GLB1L3: variants seen among roughly 807,000 people sequenced by gnomAD.
The protein encoded by GLB1L3 is beta-galactosidase-1-like protein 3.
GLB1L3 carries 89 observed loss-of-function variants against 89.5 expected under a neutral mutation model. That is an observed-to-expected ratio of 0.99 (90% CI 0.84 to 1.19). The LOEUF (loss-of-function observed/expected upper bound fraction) is 1.19, where lower values mean the gene tolerates loss of function less well. GLB1L3 is among the 50% of genes most tolerant of loss of function. The probability of loss-of-function intolerance (pLI) is 0.00; values close to 1 mark genes in which losing one functional copy is unlikely to be tolerated. For missense variants in GLB1L3, 812 were observed against 813.3 expected (o/e 1.00, Z 0.02); for synonymous variants, 314 against 312.3 (o/e 1.01, Z -0.06).
At chr11:134,323,126 G>GT (rs1250317185), downstream of GLB1L3, among the ~76,000 whole-genome samples, 1 of 152,148 alleles carries the variant, frequency 6.6e-6, no homozygotes, top group East Asian at 1.9e-4. Context: ...AGTATGAAAT[G>GT]TTATCTCACT....
At chr11:134,308,658 C>CCACCACCACCACCACCAA (rs1565414894) in intron 10 of GLB1L3, among the ~76,000 whole-genome samples, 1 of 133,032 alleles carries the variant, frequency 7.5e-6, no homozygotes, top group Non-Finnish European at 1.7e-5. Context: ...ACCATCATCA[C>CCACCACCACCACCACCAA]CACCACCACC....
intron 9 of GLB1L3, chr11:134,305,383 T>C: frequency 2.2e-6 from 1 of 454,134 alleles, no homozygotes; most frequent in African/African-American, 2.0e-5. Context: ...AAGAGCATTC[T>C]CTCTCTACGT....
intron 7 of GLB1L3, among the ~76,000 whole-genome samples, chr11:134,291,900 A>G (rs931546568): frequency 7.2e-5 from 11 of 152,194 alleles, no homozygotes; most frequent in Non-Finnish European, 1.5e-4. Context: ...GCTTGAATCC[A>G]GGAGTTTAAG....
At chr11:134,286,543 G>T (rs939746622) in intron 6 of GLB1L3, among the ~76,000 whole-genome samples, 4 of 151,836 alleles carry the variant, frequency 2.6e-5, no homozygotes, top group Non-Finnish European at 4.4e-5. Flanking sequence ...TTGGGAGGCT[G>T]AGGCGGGTGG....
chr11:134,309,610 A>G lies in GLB1L3; in HGVS notation c.962-16A>G, dbSNP rs1201707739. On this transcript the variant is annotated splice_polypyrimidine_tract_variant and intron_variant, in intron 10 of 19. Coordinates refer to ENST00000431683, the MANE Select transcript of GLB1L3 (RefSeq NM_001080407.3). ...AATTTCTAACATTCTCTGTGTTCTC[A>G]TGTTCCCCTTTGCAGAGGTTGAACA... 1.1e-5 allele frequency: 18 copies of G among 1,570,644 alleles called. No homozygotes were observed. The highest frequency in any genetic ancestry group is 1.6e-5 in the Non-Finnish European group (18 of 1,152,580).
At chr11:134,289,331 G>A (rs1941207228) in intron 7 of GLB1L3, among the ~76,000 whole-genome samples, 1 of 152,022 alleles carries the variant, frequency 6.6e-6, no homozygotes, top group Non-Finnish European at 1.5e-5. Flanking sequence ...GGAGGAGGAA[G>A]AGGTGGAGGA....
chr11:134,312,547 G>A lies in GLB1L3; in HGVS notation c.1428+58G>A, dbSNP rs552439114. 2.2e-4 allele frequency: 354 copies of A among 1,585,136 alleles called. 1 individual carries two copies. In the African/African-American group the frequency reaches 3.5e-3, roughly 16 times the overall value. Reference sequence around the variant, plus strand: ...AAGTGCATCACCTCCCCATGCTGTCGGGCAGGGTAGTTGACTGAAGGATGC... The same window carrying A: ...AAGTGCATCACCTCCCCATGCTGTCAGGCAGGGTAGTTGACTGAAGGATGC... On this transcript the variant is annotated intron_variant, in intron 14 of 19. Coordinates refer to ENST00000431683, the MANE Select transcript of GLB1L3 (RefSeq NM_001080407.3).
intron 3 of GLB1L3, among the ~76,000 whole-genome samples, chr11:134,279,917 C>A (rs1487556639): frequency 6.6e-6 from 1 of 151,980 alleles, no homozygotes; most frequent in Non-Finnish European, 1.5e-5. Flanking sequence ...ATAGTACCTT[C>A]TCTTCTCTGT....
downstream of GLB1L3, among the ~76,000 whole-genome samples, chr11:134,323,072 A>G (rs571070849): frequency 6.6e-6 from 1 of 152,214 alleles, no homozygotes; most frequent in South Asian, 2.1e-4. Context: ...ATCCTCACCA[A>G]CACTTGATTT....
rs200906355 is a variant in GLB1L3 at position 134,277,402 on chromosome 11, A to G, written c.100A>G (p.Lys34Glu). 6.2e-5 allele frequency: 100 copies of G among 1,613,912 alleles called. No individual in the cohort carries two copies. In the African/African-American group the frequency reaches 1.2e-3, roughly 19 times the overall value. Reference protein sequence around the residue: ...FISSGFAPRFKQEENFMLGRA... With the variant: ...FISSGFAPRFEQEENFMLGRA... ...CTCATCAGGTTTTGCTCCTCGGTTT[A>G]AGCAGGAAGAGAACTTCATGCTTGG... Residue 34 changes from lysine (K) to glutamate (E), a missense_variant, in exon 2 of 20, where the codon AAG becomes GAG. Physicochemically the swap from Lys to Glu is moderately conservative, Grantham distance 56. Transcript: ENST00000431683.
At chr11:134,288,983 A>C (rs569284204) in intron 7 of GLB1L3, 93 bp downstream of exon 7, 3 of 835,370 alleles carry the variant, frequency 3.6e-6, no homozygotes. Context: ...CGGGCTGGAC[A>C]CTGTGCATTC....
intron 6 of GLB1L3, among the ~76,000 whole-genome samples, chr11:134,286,889 T>G (rs1941027880): frequency 6.7e-6 from 1 of 150,060 alleles, no homozygotes; most frequent in Non-Finnish European, 1.5e-5. Flanking sequence ...GGCTGGGAGC[T>G]GTGGCTCACA....
intron 10 of GLB1L3, among the ~76,000 whole-genome samples, chr11:134,308,194 CATCACCACT>C (rs1370362235): frequency 1.8e-5 from 2 of 111,310 alleles, no homozygotes; most frequent in Non-Finnish European, 3.4e-5. Context: ...CCATCATCAC[CATCACCACT>C]ACCACCACCA....
At chr11:134,325,039 T>C in the GLB1L3 span, among the ~76,000 whole-genome samples, 1 of 152,210 alleles carries the variant, frequency 6.6e-6, no homozygotes, top group African/African-American at 2.4e-5. Context: ...GTTATAAAGC[T>C]AATGTATGCT....
At chr11:134,315,895 CT>C (rs1942957171) in intron 18 of GLB1L3, among the ~76,000 whole-genome samples, 1 of 151,944 alleles carries the variant, frequency 6.6e-6, no homozygotes, top group African/African-American at 2.4e-5. Flanking sequence ...AGTCTTTGTT[CT>C]TTTTAATTAT....
intron 9 of GLB1L3, among the ~76,000 whole-genome samples, chr11:134,296,244 G>A (rs1941631049): frequency 7.2e-6 from 1 of 139,618 alleles, no homozygotes; most frequent in Admixed American, 7.4e-5. Context: ...ACTGTTGGTG[G>A]GACTGTAAAC....
chr11:134,317,275 T>G (rs1349422968), intron 18 of GLB1L3, among the ~76,000 whole-genome samples: 2 of 152,198 alleles, frequency 1.3e-5, no homozygotes, highest in African/African-American at 4.8e-5. Flanking sequence ...GTAGTATTCT[T>G]GGTTGCCAGT....
At chr11:134,279,944 C>T (rs1030625946) in intron 3 of GLB1L3, among the ~76,000 whole-genome samples, 1 of 151,764 alleles carries the variant, frequency 6.6e-6, no homozygotes, top group Non-Finnish European at 1.5e-5. Flanking sequence ...CAGTTTCCTC[C>T]TCCTCCTTCT....
intron 9 of GLB1L3, among the ~76,000 whole-genome samples, chr11:134,300,059 T>C (rs144945843): frequency 1.3e-3 from 203 of 152,284 alleles, no homozygotes; most frequent in Admixed American, 2.3e-3. Flanking sequence ...GGAAGCTGTG[T>C]TACTTTGTTA....
Sources: allele counts gnomAD v4.1 joint callset (sites outside exome capture counted in the v4.1 genomes callset), GRCh38; gene constraint gnomAD v4.1.1; transcripts MANE v1.5; gene names NCBI Gene and HGNC (gene_info 2026-07-23, HGNC 2026-07-21).